Variants in KIF26B observed in about 807,000 individuals in gnomAD.
KIF26B encodes the protein kinesin family member 26B.
Under a neutral mutation model 151.2 loss-of-function variants are expected in KIF26B, and 63 were observed. The observed-to-expected ratio is 0.42, with a 90% confidence interval of 0.34 to 0.51. The LOEUF is 0.51. KIF26B is among the 20% of genes least tolerant of loss of function. The pLI is 0.07. For missense variants in KIF26B, 2,813 were observed against 2,913.6 expected (o/e 0.97, Z 0.79); for synonymous variants, 1,357 against 1,262.1 (o/e 1.08, Z -1.59).
chr1:245,508,272 G>A (rs1461647007), intron 4 of KIF26B, among the ~76,000 whole-genome samples: 1 of 152,060 alleles, frequency 6.6e-6, no homozygotes, highest in Non-Finnish European at 1.5e-5. Flanking sequence ...ACGGAGTCTC[G>A]CTCTGTCGCC....
At chr1:245,484,368 C>T (rs1000804943) in intron 4 of KIF26B, among the ~76,000 whole-genome samples, 2 of 151,844 alleles carry the variant, frequency 1.3e-5, no homozygotes, top group Non-Finnish European at 2.9e-5. Flanking sequence ...CCCATCAAGC[C>T]TTGAACTGCA....
intron 4 of KIF26B, among the ~76,000 whole-genome samples, chr1:245,437,153 C>T (rs975101758): frequency 5.3e-5 from 8 of 152,288 alleles, no homozygotes; most frequent in African/African-American, 1.9e-4. Flanking sequence ...TCCCAAAGTG[C>T]TGGGATTACA....
At chr1:245,349,532 G>A (rs1672521746) in intron 2 of KIF26B, among the ~76,000 whole-genome samples, 2 of 129,156 alleles carry the variant, frequency 1.5e-5, no homozygotes, top group African/African-American at 5.8e-5. Flanking sequence ...ACTCATTAAT[G>A]TTGATTTGTT....
chr1:245,238,603 G>A (rs1027262188), intron 2 of KIF26B, among the ~76,000 whole-genome samples: 5 of 152,170 alleles, frequency 3.3e-5, no homozygotes, highest in African/African-American at 9.7e-5. Context: ...GCTCACACCT[G>A]TAATCCCAGC....
At chr1:245,464,472 TGGG>T (rs909434033) in intron 4 of KIF26B, among the ~76,000 whole-genome samples, 1 of 146,916 alleles carries the variant, frequency 6.8e-6, no homozygotes, top group Non-Finnish European at 1.5e-5. Context: ...CGTGCGCGTG[TGGG>T]GGTGTGTGCC....
intron 9 of KIF26B, 117 bp downstream of exon 9, chr1:245,612,093 T>TGA (rs2043531443): frequency 4.1e-6 from 3 of 725,586 alleles, no homozygotes; most frequent in South Asian, 4.0e-5. Context: ...TGTGTGTGTG[T>TGA]GTGTGTGTGT....
chr1:245,674,157 A>G (rs1473825537), intron 10 of KIF26B, among the ~76,000 whole-genome samples: 1 of 152,238 alleles, frequency 6.6e-6, no homozygotes, highest in African/African-American at 2.4e-5. Context: ...ATAATGCAAC[A>G]TAACTGAGAT....
chr1:245,588,399 G>A (rs1461365933), intron 5 of KIF26B, among the ~76,000 whole-genome samples: 1 of 152,154 alleles, frequency 6.6e-6, no homozygotes, highest in Non-Finnish European at 1.5e-5. Context: ...GCGGAGGGGC[G>A]GTGAAGGGAA....
chr1:245,198,539 T>C (rs1669231463), intron 2 of KIF26B, among the ~76,000 whole-genome samples: 1 of 152,082 alleles, frequency 6.6e-6, no homozygotes, highest in Non-Finnish European at 1.5e-5. Context: ...CTGGCCAACA[T>C]GGCAAAACCC....
At chr1:245,156,756 C>T (rs1241284468) in intron 2 of KIF26B, 73 bp downstream of exon 2, 6 of 992,760 alleles carry the variant, frequency 6.0e-6, no homozygotes, top group East Asian at 3.3e-5. Flanking sequence ...AGCAGCTGCT[C>T]AGCCCGCCGC....
intron 2 of KIF26B, among the ~76,000 whole-genome samples, chr1:245,267,395 T>C (rs920136441): frequency 2.0e-5 from 3 of 152,170 alleles, no homozygotes; most frequent in Non-Finnish European, 4.4e-5. Context: ...AAGTACACCG[T>C]AGAGCAGAGG....
Position 245,609,392 on chromosome 1 carries a change from T to A in KIF26B, c.1778T>A (p.Val593Asp). 6.2e-7 allele frequency: 1 copy of A among 1,609,542 alleles called. No homozygotes were observed. Among genetic ancestry groups the A allele is most frequent in the Non-Finnish European group, 8.5e-7 (1 of 1,178,050 alleles). ...GAAAAGACCGGCGCCCGTTTCTCAG[T>A]CCGGGTTTCCGCCGTGGAAGTGTGG... is the stretch of plus-strand genomic sequence containing the variant. ...RKEKTGARFS[V>D]RVSAVEVWGK... Residue 593 changes from valine (V) to aspartate (D), a missense_variant, in exon 8 of 15, where the codon GTC becomes GAC. By Grantham distance (152) the Val-to-Asp change is radical (BLOSUM62 -3). Around this residue, in one of 3 missense-constraint regions of KIF26B, gnomAD observed 77 missense variants for 136.9 expected, o/e 0.56. Coordinates refer to ENST00000407071, the MANE Select transcript of KIF26B (RefSeq NM_018012.4).
intron 3 of KIF26B, chr1:245,371,379 C>G (rs975485531): frequency 1.3e-5 from 2 of 152,310 alleles, no homozygotes; most frequent in East Asian, 1.9e-4. Flanking sequence ...AAGCTGACCT[C>G]ATTTTTCCTG....
intron 2 of KIF26B, among the ~76,000 whole-genome samples, chr1:245,157,860 T>C (rs61842075): frequency 0.095 from 14,423 of 152,322 alleles, 747 homozygotes; most frequent in African/African-American, 0.12. Context: ...CGTTTCTTCA[T>C]TCACAGATTT....
At chr1:245,471,394 A>C (rs917819430) in intron 4 of KIF26B, among the ~76,000 whole-genome samples, 2 of 152,068 alleles carry the variant, frequency 1.3e-5, no homozygotes, top group African/African-American at 4.8e-5. Context: ...TCGGCCTCCC[A>C]AAGTGCTGGG....
intron 2 of KIF26B, among the ~76,000 whole-genome samples, chr1:245,270,302 TCTTCCCTTCCCC>T (rs1257381999): frequency 1.8e-5 from 1 of 56,376 alleles, no homozygotes; most frequent in Non-Finnish European, 3.5e-5. Flanking sequence ...TTCCCTTCCA[TCTTCCCTTCCCC>T]TCCTTCACTT....
intron 2 of KIF26B, among the ~76,000 whole-genome samples, chr1:245,312,002 A>T (rs1474180199): frequency 2.6e-5 from 4 of 152,234 alleles, no homozygotes; most frequent in African/African-American, 9.6e-5. Context: ...TTTTATGCAT[A>T]TCAGATTGAA....
At chr1:245,357,929 TG>T (rs1306442792) in intron 2 of KIF26B, among the ~76,000 whole-genome samples, 1 of 152,114 alleles carries the variant, frequency 6.6e-6, no homozygotes, top group Non-Finnish European at 1.5e-5. Context: ...TTTTCTTTTT[TG>T]TGTTGAGACA....
At chr1:245,243,435 CATATAT>C (rs112741378) in intron 2 of KIF26B, among the ~76,000 whole-genome samples, 8 of 146,024 alleles carry the variant, frequency 5.5e-5, no homozygotes, top group African/African-American at 2.0e-4. Context: ...TATATACATA[CATATAT>C]ATATATACAC....
Sources: allele counts gnomAD v4.1 joint callset (sites outside exome capture counted in the v4.1 genomes callset), GRCh38; gene constraint gnomAD v4.1.1; regional missense constraint gnomAD v4.1.1; transcripts MANE v1.5; gene names NCBI Gene and HGNC (gene_info 2026-07-23, HGNC 2026-07-21).